The following ATRNL1 variants were observed in gnomAD, a reference collection of about 807,000 sequenced individuals.
ATRNL1 encodes the protein attractin like 1.
A neutral mutation model predicts 182.7 loss-of-function variants in ATRNL1; 95 were observed. The observed-to-expected ratio is 0.52, with a 90% CI of 0.44 to 0.62. The LOEUF (loss-of-function observed/expected upper bound fraction) is 0.62, where lower values mean the gene tolerates loss of function less well. ATRNL1 is among the 20% of genes least tolerant of loss of function. The pLI, the probability that ATRNL1 is intolerant of heterozygous loss-of-function variation, is 0.00. For synonymous variants in ATRNL1, 576 were observed against 568.3 expected (o/e 1.01, Z -0.19); for missense variants, 1,471 against 1,679.5 (o/e 0.88, Z 2.17).
intron 20 of ATRNL1, among the ~76,000 whole-genome samples, chr10:115,395,411 C>A (rs1231703399): frequency 6.6e-6 from 1 of 151,828 alleles, no homozygotes; most frequent in Admixed American, 6.6e-5. Flanking sequence ...TTTTAAAGAA[C>A]AATTTTGTAG....
chr10:115,309,131 A>G (rs1216704134), intron 17 of ATRNL1, among the ~76,000 whole-genome samples: 13 of 151,890 alleles, frequency 8.6e-5, no homozygotes, highest in African/African-American at 3.1e-4. Context: ...CCATTTTTCT[A>G]TGTATCTACT....
intron 26 of ATRNL1, among the ~76,000 whole-genome samples, chr10:115,641,237 A>T (rs1387472841): frequency 6.6e-6 from 1 of 152,204 alleles, no homozygotes; most frequent in Non-Finnish European, 1.5e-5. Flanking sequence ...AAGCTTTTAA[A>T]ATTCTTTGCC....
intron 1 of ATRNL1, among the ~76,000 whole-genome samples, chr10:115,116,686 A>G (rs1342181068): frequency 3.9e-5 from 6 of 152,062 alleles, no homozygotes; most frequent in African/African-American, 1.4e-4. Flanking sequence ...CCCTTTACGC[A>G]TGTCTTTTGG....
chr10:115,149,280 G>A (rs1846109979), intron 5 of ATRNL1, among the ~76,000 whole-genome samples: 1 of 151,984 alleles, frequency 6.6e-6, no homozygotes, highest in Non-Finnish European at 1.5e-5. Context: ...TTTTCTGTTG[G>A]CACAGCTTCC....
At chr10:115,507,118 G>C (rs1293918177) in intron 24 of ATRNL1, among the ~76,000 whole-genome samples, 1 of 152,000 alleles carries the variant, frequency 6.6e-6, no homozygotes, top group African/African-American at 2.4e-5. Flanking sequence ...GCAGGGAGGG[G>C]GCTTCCAGGT....
intron 26 of ATRNL1, among the ~76,000 whole-genome samples, chr10:115,675,336 C>T (rs1481209009): frequency 6.6e-6 from 1 of 152,048 alleles, no homozygotes; most frequent in Non-Finnish European, 1.5e-5. Flanking sequence ...CACACTCCAG[C>T]TCCAGCCTGG....
intron 26 of ATRNL1, among the ~76,000 whole-genome samples, chr10:115,718,476 A>G (rs1947323249): frequency 6.6e-6 from 1 of 152,208 alleles, no homozygotes; most frequent in Non-Finnish European, 1.5e-5. Context: ...GTCAACAAGT[A>G]CAAAAAGCAA....
At chr10:115,665,960 G>A (rs1354230639) in intron 26 of ATRNL1, among the ~76,000 whole-genome samples, 4 of 152,078 alleles carry the variant, frequency 2.6e-5, no homozygotes, top group Admixed American at 1.3e-4. Context: ...CTCTTTTGCA[G>A]TTTTGGTTTT....
chr10:115,597,211 C>G (rs1339860887), intron 26 of ATRNL1, among the ~76,000 whole-genome samples: 1 of 152,020 alleles, frequency 6.6e-6, no homozygotes, highest in Non-Finnish European at 1.5e-5. Flanking sequence ...CGAATGGTTA[C>G]CAAAATGATT....
chr10:115,392,305 T>C (rs1231224710), intron 19 of ATRNL1, among the ~76,000 whole-genome samples: 1 of 152,158 alleles, frequency 6.6e-6, no homozygotes, highest in Non-Finnish European at 1.5e-5. Flanking sequence ...TACAGTAGTT[T>C]TCTCTGTCAC....
chr10:115,588,667 G>A (rs139034594), intron 26 of ATRNL1, among the ~76,000 whole-genome samples: 2 of 152,262 alleles, frequency 1.3e-5, no homozygotes, highest in Non-Finnish European at 2.9e-5. Flanking sequence ...CCCAGGTAGG[G>A]TTTGTGTGTG....
chr10:115,921,458 C>T (rs180762494), intron 28 of ATRNL1, among the ~76,000 whole-genome samples: 1 of 152,246 alleles, frequency 6.6e-6, no homozygotes, highest in East Asian at 1.9e-4. Context: ...GAAGAAAACT[C>T]TAGGAATTAG....
At chr10:115,609,908 T>C (rs1418246542) in intron 26 of ATRNL1, among the ~76,000 whole-genome samples, 1 of 152,128 alleles carries the variant, frequency 6.6e-6, no homozygotes, top group Non-Finnish European at 1.5e-5. Context: ...TTGGGACAAG[T>C]AGGTTTATGG....
At chr10:115,611,108 T>A (rs1420985415) in intron 26 of ATRNL1, among the ~76,000 whole-genome samples, 1 of 151,876 alleles carries the variant, frequency 6.6e-6, no homozygotes, top group African/African-American at 2.4e-5. Context: ...CAGCTTAAAA[T>A]GGAACTGATT....
intron 26 of ATRNL1, among the ~76,000 whole-genome samples, chr10:115,563,197 A>T (rs1221168423): frequency 6.6e-6 from 1 of 152,136 alleles, no homozygotes; most frequent in Non-Finnish European, 1.5e-5. Context: ...ACAGTGTAAG[A>T]TTCTTTATAT....
chr10:115,369,692 C>T (rs1857285495), intron 19 of ATRNL1, among the ~76,000 whole-genome samples: 1 of 152,140 alleles, frequency 6.6e-6, no homozygotes, highest in African/African-American at 2.4e-5. Context: ...TTCCCCCCAA[C>T]AATGTACAAA....
chr10:115,339,015 G>A (rs564683421), intron 19 of ATRNL1, among the ~76,000 whole-genome samples: 47 of 152,170 alleles, frequency 3.1e-4, no homozygotes, highest in Admixed American at 1.1e-3. Flanking sequence ...CACCTTTGTC[G>A]AAAATGAATT....
chr10:115,580,019 C>T (rs888401747), intron 26 of ATRNL1, among the ~76,000 whole-genome samples: 5 of 151,972 alleles, frequency 3.3e-5, no homozygotes, highest in Non-Finnish European at 4.4e-5. Flanking sequence ...TCACATTATA[C>T]ACTGCTGATG....
At chr10:115,683,783 G>A (rs1555045473) in intron 26 of ATRNL1, among the ~76,000 whole-genome samples, 3 of 151,760 alleles carry the variant, frequency 2.0e-5, no homozygotes, top group Non-Finnish European at 4.4e-5. Flanking sequence ...TTCCTAAGTT[G>A]AAATTTGTAT....
Sources: gnomAD v4.1 joint callset for allele counts (sites outside exome capture counted in the v4.1 genomes callset) on GRCh38, gnomAD v4.1.1 for gene constraint, MANE v1.5 for transcripts, NCBI Gene and HGNC (gene_info 2026-07-23, HGNC 2026-07-21) for gene names.